NOS1: variants seen among roughly 807,000 people sequenced by gnomAD.
The protein encoded by NOS1 is nitric oxide synthase 1, also known as NOS type I.
A neutral mutation model predicts 164.5 loss-of-function variants in NOS1; 51 were observed. That is an observed-to-expected ratio of 0.31 (90% CI 0.25 to 0.39). The LOEUF (loss-of-function observed/expected upper bound fraction) is 0.39. Among genes scored for constraint, NOS1 ranks in the 10% least tolerant of loss-of-function variants. The pLI is 1.00. For synonymous variants in NOS1, 719 were observed against 745.8 expected, an observed-to-expected ratio of 0.96 and a Z score of 0.59; for missense variants, 1,362 against 1,885.6, an observed-to-expected ratio of 0.72 and a Z score of 5.14.
At chr12:117,249,362 G>A (rs1369249242) in intron 17 of NOS1, among the ~76,000 whole-genome samples, 2 of 152,148 alleles carry the variant, frequency 1.3e-5, no homozygotes, top group Non-Finnish European at 2.9e-5. Context: ...TAAGGAGGAC[G>A]AGTTAGGGAC....
chr12:117,324,504 C>A (rs12314981), intron 2 of NOS1, among the ~76,000 whole-genome samples: 2 of 152,048 alleles, frequency 1.3e-5, no homozygotes, highest in Middle Eastern at 3.2e-3. Context: ...CTGAGGCGGG[C>A]GGATAATTTG....
chr12:117,303,478 G>A (rs1053856716), intron 3 of NOS1, among the ~76,000 whole-genome samples: 7 of 152,180 alleles, frequency 4.6e-5, no homozygotes, highest in Non-Finnish European at 7.4e-5. Context: ...GTGGGATTTC[G>A]ATATAACAGT....
At chr12:117,227,312 G>T in intron 23 of NOS1, 119 bp downstream of exon 23, 1 of 925,126 alleles carries the variant, frequency 1.1e-6, no homozygotes, top group Admixed American at 2.2e-5. Context: ...TCTGGTCTTG[G>T]GGATGAGTTT....
intron 16 of NOS1, among the ~76,000 whole-genome samples, chr12:117,254,645 A>C (rs1871308080): frequency 6.6e-6 from 1 of 151,992 alleles, no homozygotes; most frequent in African/African-American, 2.4e-5. Context: ...AATACAAGTC[A>C]ATGTGGTTGG....
At position 117,208,391 on chromosome 12, in the gene NOS1, C is replaced by CGTGT; in HGVS notation, c.*6914_*6917dup. 7.7e-3 allele frequency: 9,538 copies of CGTGT among 1,243,378 alleles called. 17 individuals carry two copies. Among genetic ancestry groups the CGTGT allele is most frequent in the South Asian group, 0.026 (2,055 of 78,620 alleles). 77.0% of individuals were successfully genotyped at this position (1,243,378 alleles called of 1,614,324 possible). A position where few individuals can be genotyped will look rare whatever the true frequency, so the allele number is the denominator to read the frequency against. ...GGGGGGACGGCCGAGTTTCTGACAG[C>CGTGT]GTGTGTGTGTGTGTGTGTGTGTGTG... is the stretch of plus-strand genomic sequence containing the variant. On this transcript the variant is annotated 3_prime_UTR_variant, in exon 29 of 29. Coordinates refer to ENST00000317775, the MANE Select transcript of NOS1 (RefSeq NM_000620.5).
intron 16 of NOS1, 67 bp downstream of exon 16, chr12:117,258,330 G>C: frequency 6.6e-7 from 1 of 1,509,334 alleles, no homozygotes; most frequent in Non-Finnish European, 9.2e-7. Context: ...TGAACCCCAG[G>C]TGCCAAAAGT....
chr12:117,246,564 G>T (rs1289045622), intron 18 of NOS1, among the ~76,000 whole-genome samples: 1 of 152,064 alleles, frequency 6.6e-6, no homozygotes, highest in Non-Finnish European at 1.5e-5. Context: ...CCCATTACCT[G>T]CTTCCAGAAC....
chr12:117,342,866 A>T (rs2136086020), intron 1 of NOS1, among the ~76,000 whole-genome samples: 1 of 152,174 alleles, frequency 6.6e-6, no homozygotes, highest in Middle Eastern at 3.4e-3. Flanking sequence ...GGAGGAAGGA[A>T]GGAAGTGGGT....
At position 117,214,550 on chromosome 12, in the gene NOS1, A is replaced by G. The variant is rs2135913646; in HGVS notation, c.*759T>C. The G allele has an allele frequency of 2.0e-6, 2 of 985,368 alleles. No individual in the cohort carries two copies. Among genetic ancestry groups the G allele is most frequent in the Non-Finnish European group, 2.4e-6 (2 of 829,954 alleles). 61.0% of individuals were successfully genotyped at this position (985,368 alleles called of 1,614,324 possible). ...TGAGGGCTCTGCTCACTGGTATCAA[A>G]ATCTAAATGCAGCAAATTCTGGGAA... On this transcript the variant is annotated 3_prime_UTR_variant, in exon 29 of 29. Coordinates refer to ENST00000317775, the MANE Select transcript of NOS1 (RefSeq NM_000620.5).
intron 21 of NOS1, among the ~76,000 whole-genome samples, chr12:117,232,537 C>T (rs1869331268): frequency 6.6e-6 from 1 of 152,138 alleles, no homozygotes. Flanking sequence ...CTAACACATT[C>T]TATATGCCGA....
intron 13 of NOS1, 123 bp downstream of exon 13, chr12:117,263,766 G>T: frequency 2.8e-6 from 2 of 710,180 alleles, no homozygotes; most frequent in Admixed American, 4.6e-5. Flanking sequence ...GGTGGCTGAA[G>T]AAGATGAAGA....
At chr12:117,299,429 G>A (rs1220145813) in intron 3 of NOS1, among the ~76,000 whole-genome samples, 3 of 151,952 alleles carry the variant, frequency 2.0e-5, no homozygotes, top group Non-Finnish European at 2.9e-5. Context: ...ACGAGGTCAG[G>A]AGATCAAGAC....
intron 14 of NOS1, 116 bp downstream of exon 14, chr12:117,260,349 G>C (rs1001299532): frequency 6.3e-5 from 71 of 1,118,482 alleles, no homozygotes; most frequent in Non-Finnish European, 8.6e-5. Flanking sequence ...GATAGGCCCT[G>C]TCAGGTGTGC....
chr12:117,241,476 T>C (rs1870176194), intron 20 of NOS1, among the ~76,000 whole-genome samples: 1 of 151,318 alleles, frequency 6.6e-6, no homozygotes, highest in Admixed American at 6.6e-5. Flanking sequence ...CAAGAGCTTG[T>C]CCTTTATTGT....
chr12:117,220,791 G>T (rs1185644605), intron 26 of NOS1, among the ~76,000 whole-genome samples: 1 of 152,112 alleles, frequency 6.6e-6, no homozygotes, highest in Non-Finnish European at 1.5e-5. Flanking sequence ...AGAAGGAAAA[G>T]GTGGGCTAAG....
Position 117,253,763 on chromosome 12 carries a change from A to G in NOS1, c.2532-9T>C, listed in dbSNP as rs1871256837. 1 of 1,592,818 alleles carries G rather than the reference A, an allele frequency of 6.3e-7. No individual in the cohort carries two copies. Among genetic ancestry groups the G allele is most frequent in the Non-Finnish European group, 8.6e-7 (1 of 1,160,652 alleles). On this transcript the variant is annotated splice_polypyrimidine_tract_variant and intron_variant, in intron 16 of 28. Coordinates refer to ENST00000317775, the MANE Select transcript of NOS1 (RefSeq NM_000620.5). ...ATCGGACCTTGTAGCTCCTGCCAAA[A>G]CCAAAGAGAACCTGTGAGCTCTGGC...
intron 9 of NOS1, among the ~76,000 whole-genome samples, chr12:117,273,003 G>GT (rs1170760841): frequency 6.6e-6 from 1 of 152,110 alleles, no homozygotes; most frequent in East Asian, 1.9e-4. Context: ...GTCTCGCTCT[G>GT]TCATGCAGGC....
In NOS1 at chr12:117,255,586, T is replaced by C. The variant is rs78470567; in HGVS notation, c.2532-1832A>G. Reference sequence around the variant, plus strand: ...ATATATCAGGGGGTGGCTGTGTTGTTAGTGTGGGAGGAATGGTTGATGGTT... The same window carrying C: ...ATATATCAGGGGGTGGCTGTGTTGTCAGTGTGGGAGGAATGGTTGATGGTT... On this transcript the variant is annotated intron_variant, in intron 16 of 28. Transcript: ENST00000317775. Among the ~76,000 whole-genome samples, 511 of 152,308 alleles carry C rather than the reference T, an allele frequency of 3.4e-3. 1 individual carries two copies. The highest frequency in any genetic ancestry group is 0.011 in the African/African-American group (477 of 41,570).
chr12:117,262,532 A>ATT (rs1333038936), intron 13 of NOS1, among the ~76,000 whole-genome samples: 1 of 150,214 alleles, frequency 6.7e-6, no homozygotes, highest in Non-Finnish European at 1.5e-5. Context: ...AGAGAGAGAG[A>ATT]GATTGATTGA....
Sources: gnomAD v4.1 joint callset for allele counts (sites outside exome capture counted in the v4.1 genomes callset) on GRCh38, gnomAD v4.1.1 for gene constraint, MANE v1.5 for transcripts, NCBI Gene and HGNC (gene_info 2026-07-23, HGNC 2026-07-21) for gene names.